Variants in CATSPERE observed in about 807,000 individuals in gnomAD.
CATSPERE encodes the protein catsper channel auxiliary subunit epsilon, also known as cation channel sperm-associated auxiliary subunit epsilon.
CATSPERE carries 93 observed loss-of-function variants against 114.1 expected under a neutral mutation model. That is an observed-to-expected ratio of 0.81 (90% CI 0.69 to 0.97). The LOEUF is 0.97. CATSPERE is among the 50% of genes least tolerant of loss of function. The pLI is 0.00. For synonymous variants in CATSPERE, 341 were observed against 384.1 expected, an observed-to-expected ratio of 0.89 and a Z score of 1.31; for missense variants, 1,058 against 1,131.6, an observed-to-expected ratio of 0.93 and a Z score of 0.93.
At chr1:244,470,099 A>G (rs548708883) in intron 2 of CATSPERE, among the ~76,000 whole-genome samples, 1 of 152,338 alleles carries the variant, frequency 6.6e-6, no homozygotes, top group East Asian at 1.9e-4. Flanking sequence ...AACATATAGA[A>G]GAAAACATAA....
upstream of CATSPERE, chr1:244,454,256 G>C (rs1383895779): frequency 1.3e-5 from 2 of 152,202 alleles, no homozygotes; most frequent in African/African-American, 4.8e-5. Context: ...ACCGTTCGGA[G>C]GTCATCCCTC....
Position 244,493,584 on chromosome 1 carries a change from G to A in CATSPERE, c.351+3113G>A, listed in dbSNP as rs569985376. Among the ~76,000 whole-genome samples, 7 of 152,304 alleles carry A rather than the reference G, an allele frequency of 4.6e-5. 1 individual carries two copies. In the South Asian group the frequency reaches 1.5e-3, roughly 32 times the overall value. On this transcript the variant is annotated intron_variant, in intron 6 of 21. Coordinates refer to ENST00000366534, the MANE Select transcript of CATSPERE (RefSeq NM_001130957.2). ...AACACCAAAAGCCACAGCAACAAAA[G>A]CCAAAACTGACAAATGGGATCTAAT...
At chr1:244,506,862 A>C (rs1189936130) in intron 7 of CATSPERE, among the ~76,000 whole-genome samples, 2 of 152,214 alleles carry the variant, frequency 1.3e-5, no homozygotes, top group South Asian at 4.1e-4. Flanking sequence ...AGCTTATTCT[A>C]TCTAACTGTG....
At chr1:244,549,141 T>C (rs1011013397) in intron 8 of CATSPERE, among the ~76,000 whole-genome samples, 2 of 152,212 alleles carry the variant, frequency 1.3e-5, no homozygotes, top group African/African-American at 4.8e-5. Flanking sequence ...AGTATTACCA[T>C]GCTCTGTGAT....
intron 13 of CATSPERE, among the ~76,000 whole-genome samples, chr1:244,588,067 G>A (rs1667238658): frequency 6.6e-6 from 1 of 151,968 alleles, no homozygotes; most frequent in Non-Finnish European, 1.5e-5. Flanking sequence ...GGTGGTGCAT[G>A]CCTATAATCC....
At chr1:244,623,708 A>G (rs1672697708) in intron 20 of CATSPERE, among the ~76,000 whole-genome samples, 1 of 152,292 alleles carries the variant, frequency 6.6e-6, no homozygotes, top group South Asian at 2.1e-4. Flanking sequence ...AGTCATGTGA[A>G]TTTTTTGGTT....
At chr1:244,599,439 C>T (rs536785075) in intron 17 of CATSPERE, among the ~76,000 whole-genome samples, 10 of 152,332 alleles carry the variant, frequency 6.6e-5, no homozygotes, top group African/African-American at 2.2e-4. Flanking sequence ...ATACACCCTA[C>T]ATCAAATCCA....
At chr1:244,508,170 G>T (rs1434988791) in intron 7 of CATSPERE, among the ~76,000 whole-genome samples, 1 of 151,354 alleles carries the variant, frequency 6.6e-6, no homozygotes, top group Admixed American at 6.6e-5. Flanking sequence ...ACTTTTCTTT[G>T]TAGAGGTCTT....
chr1:244,579,021 G>A (rs755869808), intron 11 of CATSPERE, among the ~76,000 whole-genome samples: 25 of 151,760 alleles, frequency 1.6e-4, no homozygotes, highest in Non-Finnish European at 2.5e-4. Context: ...TGGGCCCATG[G>A]TGTTATTCAA....
intron 6 of CATSPERE, among the ~76,000 whole-genome samples, chr1:244,494,793 A>T (rs1672838760): frequency 1.3e-5 from 2 of 152,190 alleles, no homozygotes; most frequent in Non-Finnish European, 2.9e-5. Flanking sequence ...AGAAAAAAAG[A>T]AGTAGTAAAA....
At chr1:244,456,221 C>G (rs759692440) in intron 1 of CATSPERE, among the ~76,000 whole-genome samples, 1 of 152,080 alleles carries the variant, frequency 6.6e-6, no homozygotes, top group Non-Finnish European at 1.5e-5. Context: ...TATTTCCGTC[C>G]TCTTGGGATC....
chr1:244,538,842 A>G (rs569063985), intron 8 of CATSPERE, among the ~76,000 whole-genome samples: 76 of 152,350 alleles, frequency 5.0e-4, no homozygotes, highest in African/African-American at 1.7e-3. Flanking sequence ...GGGATCAGTT[A>G]GAAATGAAGA....
At chr1:244,461,812 G>A (rs1412587497) in intron 1 of CATSPERE, among the ~76,000 whole-genome samples, 1 of 152,070 alleles carries the variant, frequency 6.6e-6, no homozygotes, top group Admixed American at 6.6e-5. Flanking sequence ...GTTTAGGGCG[G>A]GGGTTGTCTG....
At chr1:244,514,790 C>G (rs977648238) in intron 7 of CATSPERE, among the ~76,000 whole-genome samples, 1 of 144,252 alleles carries the variant, frequency 6.9e-6, no homozygotes, top group Non-Finnish European at 1.5e-5. Context: ...GATCACGTCA[C>G]TGCACTCCAG....
rs114012144 is a variant in CATSPERE at position 244,628,943 on chromosome 1, T to A, written c.2649-6546T>A. Among the ~76,000 whole-genome samples, 655 of 152,292 alleles carry A rather than the reference T, an allele frequency of 4.3e-3. 6 individuals carry two copies. Among genetic ancestry groups the A allele is most frequent in the African/African-American group, 0.015 (625 of 41,558 alleles). ...CTGTACTTACACTTCATGACAGAGTTCATTTGAGCACTTCTGACTTCCTGG... is the reference window on the plus strand; with the variant it reads ...CTGTACTTACACTTCATGACAGAGTACATTTGAGCACTTCTGACTTCCTGG... On this transcript the variant is annotated intron_variant, in intron 20 of 21. Transcript: ENST00000366534.
At chr1:244,622,049 T>TC (rs1391123312) in intron 20 of CATSPERE, among the ~76,000 whole-genome samples, 4 of 152,328 alleles carry the variant, frequency 2.6e-5, no homozygotes, top group Admixed American at 1.3e-4. Flanking sequence ...CGCATCTATC[T>TC]CCAAGTCCAA....
chr1:244,631,722 T>C (rs1443409105), intron 20 of CATSPERE, among the ~76,000 whole-genome samples: 2 of 152,192 alleles, frequency 1.3e-5, no homozygotes, highest in Admixed American at 1.3e-4. Flanking sequence ...TTTATGTCAT[T>C]AGAAAATGCA....
intron 9 of CATSPERE, among the ~76,000 whole-genome samples, chr1:244,554,991 C>T (rs891275562): frequency 1.3e-5 from 2 of 152,140 alleles, no homozygotes; most frequent in Non-Finnish European, 2.9e-5. Flanking sequence ...AATCAATAAG[C>T]GTGTTACATC....
chr1:244,471,192 T>C (rs890047232), intron 2 of CATSPERE, among the ~76,000 whole-genome samples: 4 of 152,226 alleles, frequency 2.6e-5, no homozygotes, highest in African/African-American at 9.6e-5. Flanking sequence ...TAAAAAACCA[T>C]AACCGTAATA....
Sources: gnomAD v4.1 joint callset for allele counts (sites outside exome capture counted in the v4.1 genomes callset) on GRCh38, gnomAD v4.1.1 for gene constraint, MANE v1.5 for transcripts, NCBI Gene and HGNC (gene_info 2026-07-23, HGNC 2026-07-21) for gene names.